The following CYTH3 variants were observed in gnomAD, a reference collection of about 807,000 sequenced individuals.
The protein encoded by CYTH3 is cytohesin-3.
CYTH3 carries 23 observed loss-of-function variants against 55.1 expected under a neutral mutation model. The observed-to-expected ratio is 0.42, with a 90% CI of 0.30 to 0.59. The LOEUF is 0.59. Among genes scored for constraint, CYTH3 ranks in the 20% least tolerant of loss-of-function variants. CYTH3 has a pLI of 0.20. For synonymous variants in CYTH3, 249 were observed against 194.9 expected, an observed-to-expected ratio of 1.28 and a Z score of -2.31; for missense variants, 413 against 524.8, an observed-to-expected ratio of 0.79 and a Z score of 2.08.
intron 1 of CYTH3, among the ~76,000 whole-genome samples, chr7:6,206,887 G>A (rs1386006289): frequency 6.6e-6 from 1 of 151,994 alleles, no homozygotes; most frequent in East Asian, 1.9e-4. Context: ...CGTTTTAAGG[G>A]ACAACGGGGG....
At chr7:6,197,661 C>A (rs1783965882) in intron 1 of CYTH3, among the ~76,000 whole-genome samples, 1 of 151,930 alleles carries the variant, frequency 6.6e-6, no homozygotes, top group Non-Finnish European at 1.5e-5. Flanking sequence ...CCAGCCTGGG[C>A]AACAAGAGTG....
chr7:6,175,755 C>A (rs1454049969), intron 5 of CYTH3, among the ~76,000 whole-genome samples: 1 of 152,010 alleles, frequency 6.6e-6, no homozygotes, highest in Non-Finnish European at 1.5e-5. Context: ...CCATGTTGGC[C>A]AGGCTGGTCT....
Position 6,173,702 on chromosome 7 carries a change from A to C in CYTH3, c.400T>G (p.Phe134Val). 1 of 1,610,322 alleles carries C rather than the reference A, an allele frequency of 6.2e-7. No homozygotes were observed. Among genetic ancestry groups the C allele is most frequent in the African/African-American group, 1.3e-5 (1 of 74,946 alleles). The change falls in exon 6 of 13, where the codon TTT (phenylalanine) becomes GTT (valine). Residue 134 changes from phenylalanine (F) to valine (V), a missense_variant. Phe to Val is a conservative substitution (Grantham distance 50). This residue lies in a region of CYTH3 where 156 missense variants were observed against 233.1 expected (regional missense o/e 0.67). Coordinates refer to ENST00000350796, the MANE Select transcript of CYTH3 (RefSeq NM_004227.4). ...DEFNIKVLQAFVELHEFADLN... is the reference protein window; with the variant it reads ...DEFNIKVLQAVVELHEFADLN... ...TCAGCAAACTCATGGAGTTCAACAA[A>C]GGCTTGAAGAACTTTAATATTAAAT... is the stretch of plus-strand genomic sequence containing the variant.
intron 1 of CYTH3, among the ~76,000 whole-genome samples, chr7:6,267,856 G>A (rs2098800): frequency 1.3e-5 from 2 of 152,070 alleles, no homozygotes; most frequent in African/African-American, 4.8e-5. Flanking sequence ...CCTCAAAAAA[G>A]GTGTAAAATG....
intron 1 of CYTH3, among the ~76,000 whole-genome samples, chr7:6,251,504 C>T (rs1258037024): frequency 6.6e-6 from 1 of 152,008 alleles, no homozygotes; most frequent in Non-Finnish European, 1.5e-5. Flanking sequence ...AAGGATTCTT[C>T]AAAATACCGT....
chr7:6,164,957 G>T lies in CYTH3; in HGVS notation c.1187C>A (p.Ala396Asp). Residue 396 changes from alanine (A) to aspartate (D), a missense_variant, in exon 13 of 13, where the codon GCC becomes GAC. This residue lies in a region of CYTH3 where 98 missense variants were observed against 115.2 expected (regional missense o/e 0.85). Coordinates refer to ENST00000350796, the MANE Select transcript of CYTH3 (RefSeq NM_004227.4). Reference sequence around the variant, plus strand: ...TAGCCAGGAAAGCTATTTTTTATTGGCAATCCTTCGTTTCCTCGTTGCCAA... The same window carrying T: ...TAGCCAGGAAAGCTATTTTTTATTGTCAATCCTTCGTTTCCTCGTTGCCAA... The part of the protein sequence containing the change: ...DMLATRKRRI[A>D]NKK 2 of 1,614,198 alleles carry T rather than the reference G, an allele frequency of 1.2e-6. No homozygotes were observed. Among genetic ancestry groups the T allele is most frequent in the Non-Finnish European group, 1.7e-6 (2 of 1,180,036 alleles).
chr7:6,226,517 A>G (rs1358244071), intron 1 of CYTH3, among the ~76,000 whole-genome samples: 1 of 152,190 alleles, frequency 6.6e-6, no homozygotes, highest in Non-Finnish European at 1.5e-5. Context: ...ACAGTCCAGG[A>G]AAGAAGGTGA....
intron 1 of CYTH3, 64 bp downstream of exon 1, chr7:6,272,410 G>GGGGGGGGGGGGCCCCCCCCC: frequency 3.3e-6 from 4 of 1,216,618 alleles, no homozygotes; most frequent in Non-Finnish European, 4.2e-6. Context: ...CCGCGCCCTC[G>GGGGGGGGGGGGCCCCCCCCC]ACCCCCAGCC....
intron 5 of CYTH3, among the ~76,000 whole-genome samples, chr7:6,175,449 T>C (rs1359652891): frequency 2.0e-5 from 3 of 152,078 alleles, no homozygotes; most frequent in Non-Finnish European, 2.9e-5. Context: ...TTGACATTAA[T>C]GTGAGGGTTT....
chr7:6,210,789 A>G (rs938422310), intron 1 of CYTH3, among the ~76,000 whole-genome samples: 19 of 152,200 alleles, frequency 1.2e-4, no homozygotes, highest in Admixed American at 3.9e-4. Context: ...TTTCCTCCTC[A>G]GCATCTTTAA....
chr7:6,240,688 A>C (rs1057218270), intron 1 of CYTH3, among the ~76,000 whole-genome samples: 2 of 152,182 alleles, frequency 1.3e-5, no homozygotes, highest in East Asian at 3.8e-4. Flanking sequence ...AATAAACTCC[A>C]AACAATTCAA....
chr7:6,226,370 T>G (rs1779251246), intron 1 of CYTH3, among the ~76,000 whole-genome samples: 1 of 152,222 alleles, frequency 6.6e-6, no homozygotes, highest in Non-Finnish European at 1.5e-5. Context: ...CATCTGGCAT[T>G]CCATTTCCCA....
In CYTH3 at chr7:6,220,574, C is replaced by CAAAAAA. The variant is rs1191450197; in HGVS notation, c.35-30049_35-30044dup. ...GAGAAAGTCTCGAAACATCCTGTCT[C>CAAAAAA]AAAAAAAAAAAAAAAAAAAAACCAA... On this transcript the variant is annotated intron_variant, in intron 1 of 12. Transcript: ENST00000350796. Among the ~76,000 whole-genome samples, 559 of 62,024 alleles carry CAAAAAA rather than the reference C, an allele frequency of 9.0e-3. 7 individuals carry two copies. The highest frequency in any genetic ancestry group is 0.03 in the African/African-American group (527 of 17,456). 40.7% of individuals were successfully genotyped at this position (62,024 alleles called of 152,430 possible).
chr7:6,184,049 CTTTTTTTTTTTT>C (rs60634853), intron 4 of CYTH3, among the ~76,000 whole-genome samples: 23 of 46,400 alleles, frequency 5.0e-4, no homozygotes, highest in African/African-American at 1.9e-3. Context: ...CCCTCTGTGG[CTTTTTTTTTTTT>C]TTTTTTTTTT....
chr7:6,198,350 C>A (rs1168980058), intron 1 of CYTH3, among the ~76,000 whole-genome samples: 1 of 152,210 alleles, frequency 6.6e-6, no homozygotes, highest in African/African-American at 2.4e-5. Context: ...AATACCAACA[C>A]CTAGCTGTTA....
chr7:6,220,794 G>A (rs186410037), intron 1 of CYTH3, among the ~76,000 whole-genome samples: 2 of 152,108 alleles, frequency 1.3e-5, no homozygotes, highest in African/African-American at 2.4e-5. Context: ...TCAGGAGTTC[G>A]AGACCAGCCT....
chr7:6,203,764 G>A (rs1194387009), intron 1 of CYTH3, among the ~76,000 whole-genome samples: 1 of 151,816 alleles, frequency 6.6e-6, no homozygotes, highest in Non-Finnish European at 1.5e-5. Context: ...TGTCGCCCAG[G>A]CTGGAATGCA....
intron 4 of CYTH3, among the ~76,000 whole-genome samples, chr7:6,179,593 C>T (rs889598842): frequency 2.2e-5 from 3 of 138,732 alleles, no homozygotes; most frequent in Middle Eastern, 6.9e-3. Context: ...GACAGACACA[C>T]ACACACACAC....
intron 1 of CYTH3, among the ~76,000 whole-genome samples, chr7:6,272,231 C>G (rs953874684): frequency 6.6e-6 from 1 of 152,018 alleles, no homozygotes; most frequent in East Asian, 2.0e-4. Context: ...GCGGCAGCCC[C>G]GGCCTGGTAC....
Sources: gnomAD v4.1 joint callset for allele counts (sites outside exome capture counted in the v4.1 genomes callset) on GRCh38, gnomAD v4.1.1 for gene constraint, gnomAD v4.1.1 regional missense constraint, MANE v1.5 for transcripts, NCBI Gene and HGNC (gene_info 2026-07-23, HGNC 2026-07-21) for gene names.